The following ANGPT2 variants were observed in gnomAD, a reference collection of about 807,000 sequenced individuals.
ANGPT2 encodes angiopoietin-2.
ANGPT2 carries 28 observed loss-of-function variants against 62.9 expected under a neutral mutation model. The ratio of observed to expected loss-of-function variants is 0.44; its 90% CI spans 0.33 to 0.61. The LOEUF is 0.61. ANGPT2 is among the 20% of genes least tolerant of loss of function. ANGPT2 has a pLI of 0.03. For synonymous variants in ANGPT2, 284 were observed against 207.8 expected (o/e 1.37, Z -3.15); for missense variants, 727 against 594.9 (o/e 1.22, Z -2.31).
rs1252974170 is a variant in ANGPT2 at position 6,500,350 on chromosome 8, C to T, written c.*2751G>A. ...ATGGCTTTCCTAAATTCCACTTCAA[C>T]TTTCAAATGCTTCATTGAAAAGTTC... On this transcript the variant is annotated 3_prime_UTR_variant, in exon 9 of 9. Coordinates refer to ENST00000629816, the MANE Select transcript of ANGPT2 (RefSeq NM_001118887.2). 1 of 161,548 alleles carries T rather than the reference C, an allele frequency of 6.2e-6. No individual in the cohort carries two copies. Among genetic ancestry groups the T allele is most frequent in the African/African-American group, 2.4e-5 (1 of 41,544 alleles). The allele number at this position is 161,548 out of a possible 1,614,324, so 10.0% of individuals were successfully genotyped here.
chr8:6,519,726 G>T, intron 5 of ANGPT2, 138 bp downstream of exon 5: 3 of 1,045,786 alleles, frequency 2.9e-6, no homozygotes, highest in Non-Finnish European at 4.0e-6. Context: ...AGGCGAGGTA[G>T]CTGCCCAGTA....
intron 2 of ANGPT2, among the ~76,000 whole-genome samples, chr8:6,529,439 G>C (rs1819021777): frequency 6.6e-6 from 1 of 150,636 alleles, no homozygotes; most frequent in African/African-American, 2.5e-5. Context: ...CCTTCCTTAA[G>C]CTCAGCCATT....
At chr8:6,523,573 T>C (rs1327656864) in intron 3 of ANGPT2, among the ~76,000 whole-genome samples, 1 of 149,716 alleles carries the variant, frequency 6.7e-6, no homozygotes, top group African/African-American at 2.5e-5. Context: ...GTCAAGGTAT[T>C]TGGCAGGGTT....
chr8:6,527,899 A>ATTTTTT (rs71213313), intron 2 of ANGPT2, among the ~76,000 whole-genome samples: 1 of 133,122 alleles, frequency 7.5e-6, no homozygotes, highest in East Asian at 2.2e-4. Context: ...CCACGTCTCT[A>ATTTTTT]TTTTTTTTTT....
intron 3 of ANGPT2, among the ~76,000 whole-genome samples, 175 bp downstream of exon 3, chr8:6,527,380 G>A (rs1818526927): frequency 6.6e-6 from 1 of 152,236 alleles, no homozygotes; most frequent in African/African-American, 2.4e-5. Context: ...TAGGAGAGCT[G>A]TGCCTGTGCA....
Position 6,563,069 on chromosome 8 carries a change from T to C in ANGPT2, c.-135A>G. On this transcript the variant is annotated 5_prime_UTR_variant, in exon 1 of 9. Coordinates refer to ENST00000629816, the MANE Select transcript of ANGPT2 (RefSeq NM_001118887.2). ...GGTCCGTCAATGAAAGTCTTCTCTT[T>C]CCTCTTTTTCCAGTAGCAAACCTGG... The C allele has an allele frequency of 1.0e-6, 1 of 953,578 alleles. No homozygotes were observed. Among genetic ancestry groups the C allele is most frequent in the African/African-American group, 1.7e-5 (1 of 60,404 alleles). 59.1% of individuals were successfully genotyped at this position (953,578 alleles called of 1,614,324 possible). A position where few individuals can be genotyped will look rare whatever the true frequency, so the allele number is the denominator to read the frequency against.
intron 1 of ANGPT2, among the ~76,000 whole-genome samples, chr8:6,538,045 T>G (rs1341273245): frequency 6.6e-6 from 1 of 152,196 alleles, no homozygotes; most frequent in Non-Finnish European, 1.5e-5. Flanking sequence ...TGGAAACTTT[T>G]TACTGTTGCC....
rs190499042 is a variant in ANGPT2, at chr8:6,502,986, C to G, written c.*115G>C. 1 of 1,278,726 alleles carries G rather than the reference C, an allele frequency of 7.8e-7. No individual in the cohort carries two copies. The highest frequency in any genetic ancestry group is 2.4e-5 in the East Asian group (1 of 42,488). The allele number at this position is 1,278,726 out of a possible 1,614,324, so 79.2% of individuals were successfully genotyped here. ...TGGAGCATGTGGGTCCCGTCAGCAC[C>G]GAGCACACGCCCTCTGTGGTGGAAG... On this transcript the variant is annotated 3_prime_UTR_variant, in exon 9 of 9. Coordinates refer to ENST00000629816, the MANE Select transcript of ANGPT2 (RefSeq NM_001118887.2).
chr8:6,523,777 C>T lies in ANGPT2; in HGVS notation c.567-2367G>A, dbSNP rs183559000. The stretch of plus-strand genomic sequence containing the variant: ...TAATTTTTTGTATTTTTAGTAGAGA[C>T]GTGGTTTCATTATGTTGTCCAGGCT... On this transcript the variant is annotated intron_variant, in intron 3 of 8. Coordinates refer to ENST00000629816, the MANE Select transcript of ANGPT2 (RefSeq NM_001118887.2). Among the ~76,000 whole-genome samples, 307 of 152,042 alleles carry T rather than the reference C, an allele frequency of 2.0e-3. 8 individuals carry two copies. In the South Asian group the frequency reaches 0.04, roughly 20 times the overall value.
chr8:6,500,927 A>G lies in ANGPT2; in HGVS notation c.*2174T>C, dbSNP rs1166621398. On this transcript the variant is annotated 3_prime_UTR_variant, in exon 9 of 9. Transcript: ENST00000629816. Reference sequence around the variant, plus strand: ...TTGTGTTGTTGCCAGTTTTTCCTGCATTAGCGTTTCCCTACCTAAGTATCC... The same window carrying G: ...TTGTGTTGTTGCCAGTTTTTCCTGCGTTAGCGTTTCCCTACCTAAGTATCC... 1 of 152,214 alleles carries G rather than the reference A, an allele frequency of 6.6e-6. No homozygotes were observed. The highest frequency in any genetic ancestry group is 6.5e-5 in the Admixed American group (1 of 15,278). 9.4% of individuals were successfully genotyped at this position (152,214 alleles called of 1,614,324 possible). A position where few individuals can be genotyped will look rare whatever the true frequency, so the allele number is the denominator to read the frequency against.
At position 6,562,552 on chromosome 8, in the gene ANGPT2, C is replaced by CTTTTTTTTTTTTTTTGTTTTTTTTT. The variant is rs1825707447; in HGVS notation, c.288+94_288+95insAAAAAAAAACAAAAAAAAAAAAAAA. 2.8e-5 allele frequency: 2 copies of CTTTTTTTTTTTTTTTGTTTTTTTTT among 71,748 alleles called. 1 individual carries two copies. The highest frequency in any genetic ancestry group is 5.2e-5 in the Non-Finnish European group (2 of 38,826). The allele number at this position is 71,748 out of a possible 1,614,324, so 4.4% of individuals were successfully genotyped here. On this transcript the variant is annotated intron_variant, in intron 1 of 8. Transcript: ENST00000629816. ...AGCTCTAATCCTCTTCATCCTCCTT[C>CTTTTTTTTTTTTTTTGTTTTTTTTT]TTTTTTTTTTTTTTTTTTTGGTTGT...
intron 1 of ANGPT2, among the ~76,000 whole-genome samples, chr8:6,557,802 T>C (rs1451625291): frequency 1.3e-5 from 2 of 152,040 alleles, no homozygotes; most frequent in African/African-American, 2.4e-5. Context: ...GAACAGCTAA[T>C]TGGAAAACAG....
At chr8:6,557,596 CTG>C (rs2129575496) in intron 1 of ANGPT2, among the ~76,000 whole-genome samples, 1 of 152,152 alleles carries the variant, frequency 6.6e-6, no homozygotes, top group South Asian at 2.1e-4. Flanking sequence ...TTAGAGTCGA[CTG>C]TATCAGTTGC....
intron 1 of ANGPT2, among the ~76,000 whole-genome samples, chr8:6,555,758 C>G (rs1007929235): frequency 6.6e-6 from 1 of 152,198 alleles, no homozygotes; most frequent in Non-Finnish European, 1.5e-5. Context: ...CCACTGCACC[C>G]AGCCACATAA....
intron 5 of ANGPT2, among the ~76,000 whole-genome samples, chr8:6,515,391 G>T (rs988822043): frequency 2.0e-5 from 3 of 152,192 alleles, no homozygotes; most frequent in East Asian, 1.9e-4. Flanking sequence ...CTGGTGCAAG[G>T]TGTGTGACCT....
chr8:6,520,618 A>G (rs1232462776), intron 4 of ANGPT2, among the ~76,000 whole-genome samples: 2 of 151,874 alleles, frequency 1.3e-5, no homozygotes, highest in Non-Finnish European at 2.9e-5. Context: ...CTGGTCTCCA[A>G]CTCCTGTCCT....
intron 8 of ANGPT2, among the ~76,000 whole-genome samples, chr8:6,504,467 C>T (rs902997281): frequency 1.3e-5 from 2 of 152,166 alleles, no homozygotes; most frequent in Non-Finnish European, 2.9e-5. Flanking sequence ...CATCCGGTCT[C>T]CTGATCACTT....
At chr8:6,548,086 G>C (rs1822932762) in intron 1 of ANGPT2, among the ~76,000 whole-genome samples, 2 of 152,102 alleles carry the variant, frequency 1.3e-5, no homozygotes, top group African/African-American at 2.4e-5. Context: ...ATCCCCCCTA[G>C]CGGAAGAACC....
chr8:6,536,631 T>C (rs1381444693), intron 1 of ANGPT2, among the ~76,000 whole-genome samples: 1 of 152,126 alleles, frequency 6.6e-6, no homozygotes, highest in African/African-American at 2.4e-5. Context: ...TTTTTAGAGG[T>C]ACAGAAAGAC....
Sources: gnomAD v4.1 joint callset for allele counts (sites outside exome capture counted in the v4.1 genomes callset) on GRCh38, gnomAD v4.1.1 for gene constraint, MANE v1.5 for transcripts, NCBI Gene and HGNC (gene_info 2026-07-23, HGNC 2026-07-21) for gene names.